TNFAIP3: variants seen among roughly 807,000 people sequenced by gnomAD.
TNFAIP3 encodes TNF alpha induced protein 3.
TNFAIP3 carries 9 observed loss-of-function variants against 72.4 expected under a neutral mutation model. That is an observed-to-expected ratio of 0.12 (90% CI 0.07 to 0.22). TNFAIP3 has a LOEUF of 0.22. Ranked by LOEUF, TNFAIP3 falls within the 10% of genes least tolerant of loss-of-function variation. The pLI, the probability that TNFAIP3 is intolerant of heterozygous loss-of-function variation, is 1.00. For synonymous variants in TNFAIP3, 339 were observed against 372.6 expected, an observed-to-expected ratio of 0.91 and a Z score of 1.04; for missense variants, 833 against 1,018.7, an observed-to-expected ratio of 0.82 and a Z score of 2.48.
rs745670694 is a variant in TNFAIP3, at chr6:137,878,786, G to A, written c.1341G>A (p.Ala447=). The A allele has an allele frequency of 1.9e-5, 31 of 1,613,986 alleles. No individual in the cohort carries two copies. Among genetic ancestry groups the A allele is most frequent in the East Asian group, 2.2e-5 (1 of 44,888 alleles). ...ASRGEAYEPL[A]WNPEESTGGP... Reference sequence around the variant, plus strand: ...GGGGAGAAGCCTATGAGCCCTTGGCGTGGAACCCTGAGGAGTCCACTGGGG... The same window carrying A: ...GGGGAGAAGCCTATGAGCCCTTGGCATGGAACCCTGAGGAGTCCACTGGGG... The change falls in exon 7 of 9, where the codon GCG becomes GCA. Residue 447 remains alanine, a synonymous_variant. Coordinates refer to ENST00000612899, the MANE Select transcript of TNFAIP3 (RefSeq NM_001270508.2).
intron 1 of TNFAIP3, among the ~76,000 whole-genome samples, chr6:137,869,528 G>A (rs886372217): frequency 1.3e-5 from 2 of 152,174 alleles, no homozygotes; most frequent in African/African-American, 2.4e-5. Flanking sequence ...AGCACCATCT[G>A]ATCCAGAGAA....
rs762713211 is a variant in TNFAIP3, at chr6:137,880,088, G to A, written c.1924G>A (p.Gly642Arg). The change falls in exon 8 of 9, where the codon GGG (glycine) becomes AGG (arginine). Residue 642 changes from glycine to arginine, a missense_variant. Transcript: ENST00000612899. Reference protein sequence around the residue: ...RENKHFAAASGKVSPTASRFQ... With the variant: ...RENKHFAAASRKVSPTASRFQ... ...TCATGTAGATTTTGCTGCTGCCTCAGGGAAAGTCAGTCCCACAGCGTCCAG... is the reference window on the plus strand; with the variant it reads ...TCATGTAGATTTTGCTGCTGCCTCAAGGAAAGTCAGTCCCACAGCGTCCAG... 6.2e-7 allele frequency: 1 copy of A among 1,614,112 alleles called. No homozygotes were observed.
At chr6:137,876,541 G>T (rs184303661) in intron 5 of TNFAIP3, among the ~76,000 whole-genome samples, 1 of 152,188 alleles carries the variant, frequency 6.6e-6, no homozygotes, top group African/African-American at 2.4e-5. Context: ...CACCCCCTGG[G>T]CTCAAGCAGT....
Position 137,871,615 on chromosome 6 carries a change from C to A in TNFAIP3, c.295+93C>A. ...GAAGCTTTAATAGGACAAGCCCAAACTCAAATCAATCTTGAGATTTAGTAT... is the reference window on the plus strand; with the variant it reads ...GAAGCTTTAATAGGACAAGCCCAAAATCAAATCAATCTTGAGATTTAGTAT... On this transcript the variant is annotated intron_variant, in intron 2 of 8. Coordinates refer to ENST00000612899, the MANE Select transcript of TNFAIP3 (RefSeq NM_001270508.2). This position sits in a 1 kb window ranked among gnomAD's most constrained non-coding sequence, Gnocchi z 4.2. The A allele has an allele frequency of 1.4e-6, 2 of 1,403,786 alleles. No individual in the cohort carries two copies. The highest frequency in any genetic ancestry group is 1.9e-6 in the Non-Finnish European group (2 of 1,033,098). The allele number at this position is 1,403,786 out of a possible 1,614,324, so 87.0% of individuals were successfully genotyped here.
intron 3 of TNFAIP3, among the ~76,000 whole-genome samples, 177 bp from the exon 4 acceptor site, chr6:137,875,511 A>G (rs140559642): frequency 1.3e-4 from 20 of 152,278 alleles, no homozygotes; most frequent in Middle Eastern, 3.4e-3. Flanking sequence ...GGAAAAAAGT[A>G]AAGGAAGAAA....
chr6:137,870,734 C>T (rs937258599), intron 1 of TNFAIP3, among the ~76,000 whole-genome samples: 2 of 152,104 alleles, frequency 1.3e-5, no homozygotes, highest in Non-Finnish European at 2.9e-5. Context: ...AAGAGTTTGC[C>T]CAAGAGCAGG....
chr6:137,867,130 T>A (rs1775863626), upstream of TNFAIP3: 1 of 151,106 alleles, frequency 6.6e-6, no homozygotes, highest in Non-Finnish European at 1.5e-5. The surrounding 1 kb of genome is among the most constrained non-coding windows in gnomAD (Gnocchi z 6.0). Flanking sequence ...CCTCGCCCCC[T>A]GCGCCCTCTG....
chr6:137,872,215 A>T (rs1776086646), intron 2 of TNFAIP3, among the ~76,000 whole-genome samples: 1 of 152,164 alleles, frequency 6.6e-6, no homozygotes, highest in African/African-American at 2.4e-5. Context: ...GCTATTTCCT[A>T]TTCCAAGCTT....
intron 5 of TNFAIP3, among the ~76,000 whole-genome samples, chr6:137,876,583 C>T (rs572245381): frequency 5.9e-5 from 9 of 152,304 alleles, no homozygotes; most frequent in Non-Finnish European, 1.0e-4. Flanking sequence ...TTTACAGGCA[C>T]GAGCCACCAT....
At chr6:137,874,795 A>T (rs768897742) in intron 2 of TNFAIP3, 50 bp from the exon 3 acceptor site, 2 of 1,578,080 alleles carry the variant, frequency 1.3e-6, no homozygotes, top group East Asian at 2.3e-5. Flanking sequence ...GCTGGGTCTT[A>T]CATGCAGATA....
rs780709741 is a variant in TNFAIP3 at position 137,881,209 on chromosome 6, G to A, written c.2263G>A (p.Glu755Lys). The change falls in exon 9 of 9, where the codon GAA (glutamate) becomes AAA (lysine). Residue 755 changes from glutamate to lysine, a missense_variant. Glu to Lys is a moderately conservative substitution (Grantham distance 56, BLOSUM62 1). Around this residue, in one of 2 missense-constraint regions of TNFAIP3, gnomAD observed 587 missense variants for 657.8 expected, o/e 0.89. Coordinates refer to ENST00000612899, the MANE Select transcript of TNFAIP3 (RefSeq NM_001270508.2). The surrounding 1 kb of genome is among the most constrained non-coding windows in gnomAD (Gnocchi z 5.0). Reference protein sequence around the residue: ...PGAHRGEPAPEDPPKQRCRAP... With the variant: ...PGAHRGEPAPKDPPKQRCRAP... ...GGCCCACCGGGGTGAGCCTGCCCCC[G>A]AAGACCCCCCCAAGCAGCGTTGCCG... 5 of 1,612,734 alleles carry A rather than the reference G, an allele frequency of 3.1e-6. No homozygotes were observed. Among genetic ancestry groups the A allele is most frequent in the African/African-American group, 1.3e-5 (1 of 74,922 alleles).
chr6:137,880,926 G>C, intron 8 of TNFAIP3, 109 bp from the exon 9 acceptor site: 1 of 1,224,496 alleles, frequency 8.2e-7, no homozygotes, highest in Non-Finnish European at 1.1e-6. Context: ...GGCAGGTAAA[G>C]CTCTTTGTAG....
In TNFAIP3 at chr6:137,875,039, G is replaced by A. The variant is rs1480244036; in HGVS notation, c.486+4G>A. ...GGGGCTTTGCTATGATACTCGGGTA[G>A]GTTTTTCCCCCTAATTATCTACTAA... On this transcript the variant is annotated splice_donor_region_variant and intron_variant, in intron 3 of 8. Transcript: ENST00000612899. 1 of 1,613,978 alleles carries A rather than the reference G, an allele frequency of 6.2e-7. No individual in the cohort carries two copies. Among genetic ancestry groups the A allele is most frequent in the Non-Finnish European group, 8.5e-7 (1 of 1,180,000 alleles).
chr6:137,877,036 G>A, intron 5 of TNFAIP3, 40 bp from the exon 6 acceptor site: 1 of 1,478,080 alleles, frequency 6.8e-7, no homozygotes, highest in Non-Finnish European at 9.2e-7. Flanking sequence ...GCCTTGTTTA[G>A]TAGAATACTG....
At chr6:137,874,720 T>A (rs1371537829) in intron 2 of TNFAIP3, 125 bp from the exon 3 acceptor site, 5 of 870,928 alleles carry the variant, frequency 5.7e-6, no homozygotes, top group Non-Finnish European at 1.7e-6. Flanking sequence ...ACTAGGAAAT[T>A]ACATCAAATT....
chr6:137,872,284 T>C (rs1387574544), intron 2 of TNFAIP3, among the ~76,000 whole-genome samples: 1 of 152,222 alleles, frequency 6.6e-6, no homozygotes, highest in Non-Finnish European at 1.5e-5. Flanking sequence ...AACAGGAATG[T>C]CAGAGCATAC....
chr6:137,875,658 C>T, intron 3 of TNFAIP3, 30 bp from the exon 4 acceptor site: 1 of 1,613,054 alleles, frequency 6.2e-7, no homozygotes, highest in East Asian at 2.2e-5. Context: ...AGGATACATT[C>T]AAGCTTTTTT....
At chr6:137,876,373 T>C (rs980108905) in intron 5 of TNFAIP3, 39 of 520,726 alleles carry the variant, frequency 7.5e-5, no homozygotes, top group African/African-American at 5.6e-4. Context: ...GAAAGTACTT[T>C]CATACATGAT....
chr6:137,877,468 CATA>C (rs1209155055), intron 6 of TNFAIP3, among the ~76,000 whole-genome samples: 1 of 152,124 alleles, frequency 6.6e-6, no homozygotes, highest in Non-Finnish European at 1.5e-5. Flanking sequence ...GTCATTTATC[CATA>C]ATGATTTTCC....
Sources: gnomAD v4.1 joint callset for allele counts (sites outside exome capture counted in the v4.1 genomes callset) on GRCh38, gnomAD v4.1.1 for gene constraint, gnomAD v4.1.1 regional missense constraint, Gnocchi (gnomAD v3.1) non-coding constraint, MANE v1.5 for transcripts, NCBI Gene and HGNC (gene_info 2026-07-23, HGNC 2026-07-21) for gene names.